DIAPH3: variants seen among roughly 807,000 people sequenced by gnomAD.
DIAPH3 encodes diaphanous related formin 3.
DIAPH3 carries 117 observed loss-of-function variants against 144.3 expected under a neutral mutation model. The ratio of observed to expected loss-of-function variants is 0.81; its 90% CI spans 0.70 to 0.95. DIAPH3 has a LOEUF of 0.95. Among genes scored for constraint, DIAPH3 ranks in the 40% least tolerant of loss-of-function variants. DIAPH3 has a pLI of 0.00. For missense variants in DIAPH3, 1,421 were observed against 1,412.7 expected (o/e 1.01, Z -0.09); for synonymous variants, 519 against 488.9 (o/e 1.06, Z -0.81).
At chr13:60,116,003 T>A (rs1013525045) in intron 2 of DIAPH3, among the ~76,000 whole-genome samples, 1 of 152,072 alleles carries the variant, frequency 6.6e-6, no homozygotes, top group African/African-American at 2.4e-5. Flanking sequence ...ACTGAGATAA[T>A]CTGTCTCCAG....
At chr13:59,759,098 T>C (rs748576054) in intron 27 of DIAPH3, among the ~76,000 whole-genome samples, 9 of 152,010 alleles carry the variant, frequency 5.9e-5, no homozygotes, top group Non-Finnish European at 8.8e-5. Context: ...AGACCAGTGA[T>C]AGTCTTTTAT....
chr13:60,023,920 A>G (rs2054205530), intron 5 of DIAPH3, among the ~76,000 whole-genome samples: 1 of 141,488 alleles, frequency 7.1e-6, no homozygotes, highest in Admixed American at 7.5e-5. Flanking sequence ...CAATGGCACA[A>G]TCTCAGCTCA....
intron 27 of DIAPH3, among the ~76,000 whole-genome samples, chr13:59,768,240 GTTAT>G (rs1217362425): frequency 1.3e-5 from 2 of 151,938 alleles, no homozygotes; most frequent in Non-Finnish European, 2.9e-5. Flanking sequence ...CCTTTCTTAG[GTTAT>G]TTGTCAGGCA....
Position 59,774,724 on chromosome 13 carries a change from TCA to T in DIAPH3, c.3259+2_3259+3del. The T allele has an allele frequency of 6.2e-7, 1 of 1,613,644 alleles. No homozygotes were observed. The highest frequency in any genetic ancestry group is 8.5e-7 in the Non-Finnish European group (1 of 1,179,526). ...AAGTAACATGAAACAAGTATAGGGT[TCA>T]CCTTTTGGCATCGGTGTCCTTTTTC... On this transcript the variant is annotated splice_donor_variant and splice_donor_region_variant and intron_variant, in intron 26 of 27. Coordinates refer to ENST00000400324, the MANE Select transcript of DIAPH3 (RefSeq NM_001042517.2). LOFTEE classifies it high-confidence loss of function.
chr13:59,959,828 T>C (rs969036340), intron 17 of DIAPH3, among the ~76,000 whole-genome samples: 8 of 152,226 alleles, frequency 5.3e-5, no homozygotes, highest in Non-Finnish European at 1.2e-4. Context: ...TAATGTGTTA[T>C]AGCAGCAATA....
At chr13:59,762,446 T>C (rs2037651209) in intron 27 of DIAPH3, among the ~76,000 whole-genome samples, 1 of 138,268 alleles carries the variant, frequency 7.2e-6, no homozygotes, top group Non-Finnish European at 1.6e-5. Flanking sequence ...TGGGAGTGGA[T>C]TATATAAAGG....
intron 14 of DIAPH3, among the ~76,000 whole-genome samples, chr13:59,975,494 C>T (rs1052268898): frequency 1.3e-5 from 2 of 151,894 alleles, no homozygotes; most frequent in Non-Finnish European, 2.9e-5. Flanking sequence ...CTGCAATTAA[C>T]GTTTAGATAA....
chr13:60,145,943 A>G (rs1376575386), intron 1 of DIAPH3, among the ~76,000 whole-genome samples: 1 of 152,226 alleles, frequency 6.6e-6, no homozygotes, highest in Non-Finnish European at 1.5e-5. Flanking sequence ...AGGAATTATA[A>G]TACAACAGCT....
chr13:60,049,590 C>T (rs1169872565), intron 4 of DIAPH3, among the ~76,000 whole-genome samples: 3 of 152,208 alleles, frequency 2.0e-5, no homozygotes, highest in Non-Finnish European at 2.9e-5. Context: ...TCGTGAGCCA[C>T]GCAATGGGTC....
chr13:60,019,286 T>C (rs1209809590), intron 5 of DIAPH3, among the ~76,000 whole-genome samples: 2 of 152,204 alleles, frequency 1.3e-5, no homozygotes, highest in South Asian at 2.1e-4. Flanking sequence ...ATTTGTTCTA[T>C]GCCTGTCAGC....
chr13:59,933,259 T>A (rs890675438), intron 17 of DIAPH3, among the ~76,000 whole-genome samples: 6 of 152,338 alleles, frequency 3.9e-5, no homozygotes, highest in African/African-American at 1.4e-4. Flanking sequence ...GCCTGCCACA[T>A]GCTAGTAGCT....
At chr13:59,946,894 T>G (rs185471154) in intron 17 of DIAPH3, among the ~76,000 whole-genome samples, 6 of 152,308 alleles carry the variant, frequency 3.9e-5, no homozygotes, top group African/African-American at 1.4e-4. Flanking sequence ...GCTGAAGTGT[T>G]GAGTTGCACC....
Position 59,837,070 on chromosome 13 carries a change from C to A in DIAPH3, c.2862+2254G>T, listed in dbSNP as rs1383966073. Among the ~76,000 whole-genome samples the A allele has an allele frequency of 3.3e-5, 5 of 152,070 alleles. No homozygotes were observed. In the East Asian group the frequency reaches 9.6e-4, roughly 29 times the overall value. On this transcript the variant is annotated intron_variant, in intron 23 of 27. Transcript: ENST00000400324. The stretch of plus-strand genomic sequence containing the variant: ...TAGTATGTCTAACTAAGATGAAAAG[C>A]AAACGAGTGCAATCTAATCTCAGCA...
At chr13:60,046,696 ACAATAG>A (rs2056084802) in intron 4 of DIAPH3, among the ~76,000 whole-genome samples, 1 of 152,208 alleles carries the variant, frequency 6.6e-6, no homozygotes, top group Non-Finnish European at 1.5e-5. Flanking sequence ...AGCACTGTTC[ACAATAG>A]CAAAGACTTG....
At position 60,039,826 on chromosome 13, in the gene DIAPH3, G is replaced by A. The variant is rs185426159; in HGVS notation, c.626+2864C>T. Among the ~76,000 whole-genome samples, 40 of 152,184 alleles carry A rather than the reference G, an allele frequency of 2.6e-4. 1 individual carries two copies. The highest frequency in any genetic ancestry group is 3.4e-3 in the Middle Eastern group (1 of 294). On this transcript the variant is annotated intron_variant, in intron 5 of 27. Coordinates refer to ENST00000400324, the MANE Select transcript of DIAPH3 (RefSeq NM_001042517.2). ...AATTAAAAACTGATTCAAAGAGCAG[G>A]CATATCATAACTAACAGGAAAGTCC...
chr13:59,871,055 T>C (rs2044238709), intron 21 of DIAPH3, among the ~76,000 whole-genome samples: 2 of 152,204 alleles, frequency 1.3e-5, no homozygotes, highest in South Asian at 4.1e-4. Context: ...AATGATACAC[T>C]ATTTTAAATT....
chr13:59,763,610 G>A (rs545004890), intron 27 of DIAPH3, among the ~76,000 whole-genome samples: 5 of 152,204 alleles, frequency 3.3e-5, no homozygotes, highest in African/African-American at 1.2e-4. Context: ...CTTGAGTCTG[G>A]GAGATCAAGG....
chr13:60,042,481 C>T (rs1003462504), intron 5 of DIAPH3, among the ~76,000 whole-genome samples: 1 of 151,010 alleles, frequency 6.6e-6, no homozygotes. Context: ...GGGCAAAAGG[C>T]TTTTTTACAG....
intron 25 of DIAPH3, among the ~76,000 whole-genome samples, chr13:59,775,847 G>A (rs951955357): frequency 2.0e-5 from 3 of 152,134 alleles, no homozygotes; most frequent in African/African-American, 4.8e-5. Flanking sequence ...AAGGAAATAC[G>A]TGGATATAGA....
Sources: allele counts gnomAD v4.1 joint callset (sites outside exome capture counted in the v4.1 genomes callset), GRCh38; gene constraint gnomAD v4.1.1; transcripts MANE v1.5; gene names NCBI Gene and HGNC (gene_info 2026-07-23, HGNC 2026-07-21).